CRYBG1: variants seen among roughly 807,000 people sequenced by gnomAD.
CRYBG1 encodes beta/gamma crystallin domain-containing protein 1.
In CRYBG1, 139 loss-of-function variants were observed where a neutral mutation model predicts 189.2. The observed-to-expected ratio is 0.73, with a 90% CI of 0.64 to 0.85. CRYBG1 has a LOEUF of 0.85. Ranked by LOEUF, CRYBG1 falls within the 40% of genes least tolerant of loss-of-function variation. The pLI, the probability that CRYBG1 is intolerant of heterozygous loss-of-function variation, is 0.00. For missense variants in CRYBG1, 2,611 were observed against 2,675.8 expected, an observed-to-expected ratio of 0.98 and a Z score of 0.53; for synonymous variants, 1,023 against 1,017.1, an observed-to-expected ratio of 1.01 and a Z score of -0.11.
chr6:106,532,375 C>T (rs149410985), intron 8 of CRYBG1, among the ~76,000 whole-genome samples: 39 of 152,288 alleles, frequency 2.6e-4, no homozygotes, highest in South Asian at 8.3e-4. Flanking sequence ...CATGCAAGTG[C>T]GGGTATCCTT....
At chr6:106,559,752 C>CT (rs1354062716) in intron 18 of CRYBG1, among the ~76,000 whole-genome samples, 5 of 151,734 alleles carry the variant, frequency 3.3e-5, no homozygotes, top group African/African-American at 1.2e-4. Context: ...CACCAGTGCA[C>CT]TCCAGCCTGG....
At chr6:106,530,059 ATG>A in intron 7 of CRYBG1, 115 bp from the exon 8 acceptor site, 2 of 961,152 alleles carry the variant, frequency 2.1e-6, no homozygotes, top group Non-Finnish European at 2.9e-6. Context: ...GCTCTGTGAA[ATG>A]TGTTTGTAAA....
At position 106,543,316 on chromosome 6, in the gene CRYBG1, C is replaced by A. The variant is rs184069976; in HGVS notation, c.4882-124C>A. The A allele has an allele frequency of 6.5e-4, 617 of 949,506 alleles. 5 individuals are homozygous for A. The African/African-American group carries it at 9.2e-3, about 14-fold the overall frequency. 58.8% of individuals were successfully genotyped at this position (949,506 alleles called of 1,614,324 possible). A position where few individuals can be genotyped will look rare whatever the true frequency, so the allele number is the denominator to read the frequency against. On this transcript the variant is annotated intron_variant, in intron 10 of 21. Coordinates refer to ENST00000633556, the MANE Select transcript of CRYBG1 (RefSeq NM_001371242.2). ...AAGTGCTGGGATAACAGGCGTGAGC[C>A]ACCGCGCCCAGTCAGAAAATTTTAA...
chr6:106,567,327 C>T (rs1189048368), intron 21 of CRYBG1, among the ~76,000 whole-genome samples: 5 of 152,194 alleles, frequency 3.3e-5, no homozygotes, highest in Middle Eastern at 3.4e-3. Flanking sequence ...AACACCTTAC[C>T]CTTGTATTCT....
chr6:106,537,266 G>A (rs1211469517), intron 8 of CRYBG1, among the ~76,000 whole-genome samples: 2 of 152,130 alleles, frequency 1.3e-5, no homozygotes, highest in Non-Finnish European at 1.5e-5. Flanking sequence ...ATCTCAGATC[G>A]CTTGCTCGTG....
At chr6:106,448,273 A>G (rs553759127) in intron 1 of CRYBG1, among the ~76,000 whole-genome samples, 1 of 152,154 alleles carries the variant, frequency 6.6e-6, no homozygotes, top group South Asian at 2.1e-4. Context: ...TTTAGCCAAC[A>G]CCCCATCATT....
intron 1 of CRYBG1, among the ~76,000 whole-genome samples, chr6:106,445,099 C>A (rs1438588950): frequency 6.6e-6 from 1 of 152,184 alleles, no homozygotes; most frequent in Non-Finnish European, 1.5e-5. Flanking sequence ...TATTCTTGTG[C>A]AACCACTAGA....
chr6:106,503,059 G>C (rs546778458), intron 2 of CRYBG1, among the ~76,000 whole-genome samples: 1 of 152,208 alleles, frequency 6.6e-6, no homozygotes, highest in African/African-American at 2.4e-5. Context: ...AGGGGAAAGC[G>C]GCTCGGGAAT....
chr6:106,533,384 G>A lies in CRYBG1; in HGVS notation c.4718+3069G>A, dbSNP rs567141601. On this transcript the variant is annotated intron_variant, in intron 8 of 21. Coordinates refer to ENST00000633556, the MANE Select transcript of CRYBG1 (RefSeq NM_001371242.2). ...GGTCACATCTGGCCTTTCACGCCTT[G>A]GGGAGGAGGATTTAGATTTACTCTA... 7.2e-5 allele frequency among the ~76,000 whole-genome samples: 11 copies of A among 152,346 alleles called. 1 individual carries two copies. The South Asian group carries it at 1.4e-3, about 20-fold the overall frequency.
chr6:106,512,258 T>G lies in CRYBG1; in HGVS notation c.1141T>G (p.Tyr381Asp). 3 of 1,554,744 alleles carry G rather than the reference T, an allele frequency of 1.9e-6. No individual in the cohort carries two copies. The highest frequency in any genetic ancestry group is 2.6e-6 in the Non-Finnish European group (3 of 1,153,740). Reference sequence around the variant, plus strand: ...TGCTAAGGTGCTAACTTTGGACATCTACTTGAGTAAGACTGAGGGGGCACA... The same window carrying G: ...TGCTAAGGTGCTAACTTTGGACATCGACTTGAGTAAGACTGAGGGGGCACA... ...HPAKVLTLDI[Y>D]LSKTEGAQVD... Residue 381 changes from tyrosine to aspartate, a missense_variant, in exon 3 of 22, where the codon TAC becomes GAC. Coordinates refer to ENST00000633556, the MANE Select transcript of CRYBG1 (RefSeq NM_001371242.2).
intron 2 of CRYBG1, among the ~76,000 whole-genome samples, chr6:106,454,569 A>G (rs1399177877): frequency 1.3e-5 from 2 of 152,178 alleles, no homozygotes; most frequent in Admixed American, 1.3e-4. Context: ...TTGCGGAGGG[A>G]GTTATATCAA....
At position 106,519,552 on chromosome 6, in the gene CRYBG1, A is replaced by G; in HGVS notation, c.2344A>G (p.Asn782Asp). Reference sequence around the variant, plus strand: ...GAATCAAGCTCTTGGTCCTCAGCCTAACCAAGATGATAAAGCAGATGTACA... The same window carrying G: ...GAATCAAGCTCTTGGTCCTCAGCCTGACCAAGATGATAAAGCAGATGTACA... Reference protein sequence around the residue: ...SENQALGPQPNQDDKADVQTD... With the variant: ...SENQALGPQPDQDDKADVQTD... Residue 782 changes from asparagine (N) to aspartate (D), a missense_variant, in exon 4 of 22, where the codon AAC becomes GAC. Transcript: ENST00000633556. 1 of 1,614,196 alleles carries G rather than the reference A, an allele frequency of 6.2e-7. No individual in the cohort carries two copies.
chr6:106,453,811 C>G (rs1043713993), intron 2 of CRYBG1, among the ~76,000 whole-genome samples: 3 of 152,090 alleles, frequency 2.0e-5, no homozygotes, highest in Admixed American at 2.0e-4. Context: ...CAAGGCCAAG[C>G]CAAAAATGTC....
chr6:106,432,601 G>C (rs182155995), intron 1 of CRYBG1, among the ~76,000 whole-genome samples: 3 of 152,220 alleles, frequency 2.0e-5, no homozygotes, highest in African/African-American at 7.2e-5. Context: ...ATCTCTAACC[G>C]AAACATAGGA....
chr6:106,534,137 C>T (rs1582823340), intron 8 of CRYBG1, among the ~76,000 whole-genome samples: 2 of 152,252 alleles, frequency 1.3e-5, no homozygotes, highest in South Asian at 2.1e-4. Flanking sequence ...AAAAAGGCAT[C>T]TGTTATCATA....
At chr6:106,400,513 G>T (rs2114353331) in intron 1 of CRYBG1, among the ~76,000 whole-genome samples, 1 of 152,306 alleles carries the variant, frequency 6.6e-6, no homozygotes, top group African/African-American at 2.4e-5. Context: ...CCTGGTCAGA[G>T]ACTAGGCAGA....
chr6:106,378,493 A>T (rs986132311), intron 1 of CRYBG1, among the ~76,000 whole-genome samples: 3 of 152,172 alleles, frequency 2.0e-5, no homozygotes, highest in Admixed American at 1.3e-4. Flanking sequence ...CTGTGCCTAG[A>T]CACACATACC....
intron 1 of CRYBG1, among the ~76,000 whole-genome samples, chr6:106,440,221 A>T (rs1771540971): frequency 6.7e-6 from 1 of 149,948 alleles, no homozygotes; most frequent in Non-Finnish European, 1.5e-5. Context: ...TCCTCACCTT[A>T]TTTGAAGCAC....
intron 2 of CRYBG1, among the ~76,000 whole-genome samples, chr6:106,481,066 C>T (rs1032634466): frequency 6.5e-5 from 6 of 92,906 alleles, no homozygotes; most frequent in African/African-American, 9.4e-5. Flanking sequence ...CTCCGCCTCC[C>T]GGGTTCACGC....
Sources: gnomAD v4.1 joint callset for allele counts (sites outside exome capture counted in the v4.1 genomes callset) on GRCh38, gnomAD v4.1.1 for gene constraint, MANE v1.5 for transcripts, NCBI Gene and HGNC (gene_info 2026-07-23, HGNC 2026-07-21) for gene names.